Variants in SMAD5 observed in about 807,000 individuals in gnomAD.
SMAD5 encodes MAD, mothers against decapentaplegic homolog 5.
SMAD5 carries 9 observed loss-of-function variants against 43.1 expected under a neutral mutation model. The ratio of observed to expected loss-of-function variants is 0.21; its 90% confidence interval spans 0.13 to 0.36. The LOEUF is 0.36. Ranked by LOEUF, SMAD5 falls within the 10% of genes least tolerant of loss-of-function variation. The pLI, the probability that SMAD5 is intolerant of heterozygous loss-of-function variation, is 1.00. For missense variants in SMAD5, 348 were observed against 574.0 expected (o/e 0.61, Z 4.02); for synonymous variants, 190 against 192.4 (o/e 0.99, Z 0.10).
At chr5:136,160,530 C>T (rs1198363455) in intron 3 of SMAD5, among the ~76,000 whole-genome samples, 4 of 151,872 alleles carry the variant, frequency 2.6e-5, no homozygotes, top group East Asian at 3.9e-4. Context: ...TAGCTGGGAG[C>T]GCTCACCTCT....
chr5:136,138,569 C>G (rs1159484067), intron 1 of SMAD5, among the ~76,000 whole-genome samples: 1 of 152,136 alleles, frequency 6.6e-6, no homozygotes, highest in African/African-American at 2.4e-5. Flanking sequence ...ATACATGGAT[C>G]TAGGGATGGT....
At chr5:136,162,410 A>G (rs886109658) in intron 4 of SMAD5, among the ~76,000 whole-genome samples, 1 of 152,232 alleles carries the variant, frequency 6.6e-6, no homozygotes, top group Admixed American at 6.5e-5. Flanking sequence ...CCTACAGTAT[A>G]TTCTTTGTGA....
intron 1 of SMAD5, chr5:136,147,560 G>C (rs1753301721): frequency 6.6e-6 from 1 of 151,738 alleles, no homozygotes; most frequent in Non-Finnish European, 1.5e-5. Flanking sequence ...GGACTGCCAG[G>C]GTTCAATTCT....
intron 5 of SMAD5, among the ~76,000 whole-genome samples, chr5:136,168,739 C>G (rs1228712064): frequency 6.6e-6 from 1 of 152,214 alleles, no homozygotes; most frequent in Non-Finnish European, 1.5e-5. Flanking sequence ...TCCCCACAAC[C>G]CCTTGCAACC....
rs1214158844 is a variant in SMAD5 at position 136,179,520 on chromosome 5, G to A, written c.*2040G>A. The A allele has an allele frequency of 1.3e-5, 2 of 152,166 alleles. No individual in the cohort carries two copies. The highest frequency in any genetic ancestry group is 4.8e-5 in the African/African-American group (2 of 41,346). 9.4% of individuals were successfully genotyped at this position (152,166 alleles called of 1,614,324 possible). A position where few individuals can be genotyped will look rare whatever the true frequency, so the allele number is the denominator to read the frequency against. ...AATTATGCAATTTCTTTTGTTTTCT[G>A]TGTCATTATTTATTGCTTTTTCAAT... On this transcript the variant is annotated 3_prime_UTR_variant, in exon 8 of 8. Transcript: ENST00000545279.
At position 136,178,926 on chromosome 5, in the gene SMAD5, G is replaced by C. The variant is rs1449670415; in HGVS notation, c.*1446G>C. The C allele has an allele frequency of 6.6e-6, 1 of 152,382 alleles. No individual in the cohort carries two copies. Among genetic ancestry groups the C allele is most frequent in the Non-Finnish European group, 1.5e-5 (1 of 68,218 alleles). 9.4% of individuals were successfully genotyped at this position (152,382 alleles called of 1,614,324 possible). A position where few individuals can be genotyped will look rare whatever the true frequency, so the allele number is the denominator to read the frequency against. On this transcript the variant is annotated 3_prime_UTR_variant, in exon 8 of 8. Coordinates refer to ENST00000545279, the MANE Select transcript of SMAD5 (RefSeq NM_005903.7). ...AAATTAGCTGGGCATGGTGGTGCGT[G>C]CCTGAAGTCCCAGCTACTCGGGAAG...
intron 3 of SMAD5, among the ~76,000 whole-genome samples, chr5:136,155,735 T>G (rs1753612739): frequency 6.6e-6 from 1 of 152,184 alleles, no homozygotes; most frequent in African/African-American, 2.4e-5. Flanking sequence ...TGCTCAAATA[T>G]CCGCATCACT....
chr5:136,168,305 T>TA (rs1249627223), intron 5 of SMAD5, among the ~76,000 whole-genome samples: 1 of 152,234 alleles, frequency 6.6e-6, no homozygotes, highest in Non-Finnish European at 1.5e-5. Context: ...CAGTATTTTA[T>TA]ATTGTGTATA....
At position 136,174,721 on chromosome 5, in the gene SMAD5, A is replaced by T. The variant is rs1754348773; in HGVS notation, c.1254+89A>T. The T allele has an allele frequency of 3.3e-6, 3 of 897,160 alleles. No individual in the cohort carries two copies. The South Asian group carries it at 5.3e-5, about 16-fold the overall frequency. 55.6% of individuals were successfully genotyped at this position (897,160 alleles called of 1,614,324 possible). ...TAATTTTTAAAAATTGTTAAATGAAAGTTGATAATTGCTTTTGGCCTGATT... is the reference window on the plus strand; with the variant it reads ...TAATTTTTAAAAATTGTTAAATGAATGTTGATAATTGCTTTTGGCCTGATT... On this transcript the variant is annotated intron_variant, in intron 7 of 7. Transcript: ENST00000545279.
chr5:136,160,442 C>G (rs1753786408), intron 3 of SMAD5, among the ~76,000 whole-genome samples: 1 of 152,106 alleles, frequency 6.6e-6, no homozygotes, highest in African/African-American at 2.4e-5. Flanking sequence ...CCCTAGTACT[C>G]CCATGTGAAA....
intron 1 of SMAD5, chr5:136,134,805 T>C (rs1324227924): frequency 1.3e-5 from 2 of 152,226 alleles, no homozygotes; most frequent in African/African-American, 2.4e-5. Flanking sequence ...CCTCAGTCTT[T>C]TTTACATTAC....
intron 5 of SMAD5, among the ~76,000 whole-genome samples, chr5:136,165,662 ATTTTTTTTTTTTTTTTT>A (rs58156387): frequency 8.4e-4 from 55 of 65,460 alleles, no homozygotes; most frequent in East Asian, 3.0e-3. Flanking sequence ...GAATCATACA[ATTTTTTTTTTTTTTTTT>A]TTTTTTTTTT....
At chr5:136,156,281 C>T (rs1194489614) in intron 3 of SMAD5, among the ~76,000 whole-genome samples, 1 of 152,168 alleles carries the variant, frequency 6.6e-6, no homozygotes, top group African/African-American at 2.4e-5. Flanking sequence ...CATACGCTGT[C>T]ACCTTTGCCA....
rs780522556 is a variant in SMAD5 at position 136,172,461 on chromosome 5, C to G, written c.803C>G (p.Pro268Arg). 1.2e-6 allele frequency: 2 copies of G among 1,611,370 alleles called. No homozygotes were observed. Among genetic ancestry groups the G allele is most frequent in the Admixed American group, 3.3e-5 (2 of 59,928 alleles). Residue 268 changes from proline to arginine, a missense_variant, in exon 6 of 8, where the codon CCT becomes CGT. Physicochemically the swap from Pro to Arg is moderately radical, Grantham distance 103. Transcript: ENST00000545279. ...RDVQPVAYEE[P>R]KHWCSIVYYE... is the part of the protein sequence containing the mutation. ...GTTCAGCCTGTTGCCTATGAAGAGC[C>G]TAAACATTGGTGTTCAATAGTCTAC...
At chr5:136,161,233 C>T in intron 4 of SMAD5, 126 bp downstream of exon 4, 1 of 822,504 alleles carries the variant, frequency 1.2e-6, no homozygotes, top group Non-Finnish European at 1.9e-6. Context: ...ACTCTTTATT[C>T]TTTAGGTAAT....
At chr5:136,163,557 A>G (rs1051798742) in intron 5 of SMAD5, among the ~76,000 whole-genome samples, 166 bp downstream of exon 5, 8 of 152,200 alleles carry the variant, frequency 5.3e-5, no homozygotes, top group African/African-American at 1.4e-4. Flanking sequence ...GTTTTGCACC[A>G]CAGTCTAGGT....
At chr5:136,170,437 A>G (rs1754177186) in intron 5 of SMAD5, among the ~76,000 whole-genome samples, 1 of 151,382 alleles carries the variant, frequency 6.6e-6, no homozygotes, top group Non-Finnish European at 1.5e-5. Flanking sequence ...TGCTCCTTTG[A>G]TCTGTTTGTC....
chr5:136,154,208 A>C, intron 3 of SMAD5, 45 bp downstream of exon 3: 1 of 1,264,270 alleles, frequency 7.9e-7, no homozygotes. Flanking sequence ...AAAAACAAAA[A>C]ACCTCTCTTC....
In SMAD5 at chr5:136,179,480, C is replaced by T. The variant is rs572236766; in HGVS notation, c.*2000C>T. On this transcript the variant is annotated 3_prime_UTR_variant, in exon 8 of 8. Transcript: ENST00000545279. ...CTGCTCTTGTGAAGAAAAAAAAAAG[C>T]ATTTTCGAGGAAAGAATTATGCAAT... The T allele has an allele frequency of 1.1e-4, 16 of 151,884 alleles. No individual in the cohort carries two copies. Among genetic ancestry groups the T allele is most frequent in the African/African-American group, 3.9e-4 (16 of 41,296 alleles). The allele number at this position is 151,884 out of a possible 1,614,324, so 9.4% of individuals were successfully genotyped here. A position where few individuals can be genotyped will look rare whatever the true frequency, so the allele number is the denominator to read the frequency against.
Sources: gnomAD v4.1 joint callset for allele counts (sites outside exome capture counted in the v4.1 genomes callset) on GRCh38, gnomAD v4.1.1 for gene constraint, MANE v1.5 for transcripts, NCBI Gene and HGNC (gene_info 2026-07-23, HGNC 2026-07-21) for gene names.